The following FBH1 variants were observed in gnomAD, a reference collection of about 807,000 sequenced individuals.
FBH1 encodes the protein DNA 3'-5' helicase 1.
A neutral mutation model predicts 115.5 loss-of-function variants in FBH1; 43 were observed. That is an observed-to-expected ratio of 0.37 (90% CI 0.29 to 0.48). FBH1 has a LOEUF of 0.48. Ranked by LOEUF, FBH1 falls within the 20% of genes least tolerant of loss-of-function variation. FBH1 has a pLI of 0.99. For synonymous variants in FBH1, 524 were observed against 507.8 expected (o/e 1.03, Z -0.43); for missense variants, 1,001 against 1,337.3 (o/e 0.75, Z 3.92).
upstream of FBH1, chr10:5,890,063 CG>C (rs1842604110): frequency 3.3e-6 from 1 of 299,498 alleles, no homozygotes. Context: ...TAGCTGTGGC[CG>C]CGCCCCCACC....
intron 6 of FBH1, among the ~76,000 whole-genome samples, chr10:5,912,256 C>T (rs759580366): frequency 1.1e-4 from 17 of 151,540 alleles, no homozygotes; most frequent in Admixed American, 9.2e-4. Context: ...CCCAGCTACT[C>T]GGGAAGCTGA....
rs1197828755 is a variant in FBH1, at chr10:5,935,111, A to T, written c.2830-1345A>T. 2 of 152,190 alleles carry T rather than the reference A, an allele frequency of 1.3e-5. No individual in the cohort carries two copies. Among genetic ancestry groups the T allele is most frequent in the Non-Finnish European group, 2.9e-5 (2 of 68,024 alleles). The allele number at this position is 152,190 out of a possible 1,614,324, so 9.4% of individuals were successfully genotyped here. The stretch of plus-strand genomic sequence containing the variant: ...TCATGTTTTGTGAAACTTTTCTTCC[A>T]TGTGTGTTTCTTACATATGTGCGTA... On this transcript the variant is annotated intron_variant, in intron 19 of 20. Coordinates refer to ENST00000362091, the MANE Select transcript of FBH1 (RefSeq NM_178150.3). This position sits in a 1 kb window ranked among gnomAD's most constrained non-coding sequence, Gnocchi z 5.2.
chr10:5,910,837 A>C lies in FBH1; in HGVS notation c.1021-101A>C. ...TCAGTCCAGACAGTCTGTAGCCAGC[A>C]GCTGGACCCGTGGCTCGGCTTTCCT... On this transcript the variant is annotated intron_variant, in intron 5 of 20. Coordinates refer to ENST00000362091, the MANE Select transcript of FBH1 (RefSeq NM_178150.3). The surrounding 1 kb of genome is among the most constrained non-coding windows in gnomAD (Gnocchi z 4.8). 1 of 985,976 alleles carries C rather than the reference A, an allele frequency of 1.0e-6. No individual in the cohort carries two copies. Among genetic ancestry groups the C allele is most frequent in the Non-Finnish European group, 1.5e-6 (1 of 674,198 alleles). 61.1% of individuals were successfully genotyped at this position (985,976 alleles called of 1,614,324 possible).
chr10:5,926,230 C>G (rs897501620), intron 18 of FBH1, among the ~76,000 whole-genome samples: 5 of 152,184 alleles, frequency 3.3e-5, no homozygotes, highest in African/African-American at 1.2e-4. Flanking sequence ...AAGTGATTCT[C>G]CTGCCTCAGA....
Position 5,906,483 on chromosome 10 carries a change from A to G in FBH1, c.604A>G (p.Thr202Ala). 1.2e-6 allele frequency: 2 copies of G among 1,613,922 alleles called. No homozygotes were observed. Among genetic ancestry groups the G allele is most frequent in the Non-Finnish European group, 1.7e-6 (2 of 1,179,962 alleles). Residue 202 changes from threonine (T) to alanine (A), a missense_variant, in exon 3 of 21, where the codon ACC becomes GCC. Thr to Ala is a moderately conservative substitution (Grantham distance 58). Coordinates refer to ENST00000362091, the MANE Select transcript of FBH1 (RefSeq NM_178150.3). This position sits in a 1 kb window ranked among gnomAD's most constrained non-coding sequence, Gnocchi z 7.3. ...TGACTCATACTATGGGCTTCTTGGGACCTTGCCCTGCCAGGAAGCACTGAG... is the reference window on the plus strand; with the variant it reads ...TGACTCATACTATGGGCTTCTTGGGGCCTTGCCCTGCCAGGAAGCACTGAG... ...IPDSYYGLLG[T>A]LPCQEALSHI...
Position 5,918,262 on chromosome 10 carries a change from G to T in FBH1, c.1964-80G>T. 6 of 1,556,524 alleles carry T rather than the reference G, an allele frequency of 3.9e-6. No homozygotes were observed. Among genetic ancestry groups the T allele is most frequent in the Non-Finnish European group, 5.2e-6 (6 of 1,151,338 alleles). The stretch of plus-strand genomic sequence containing the variant: ...CCAGTGTGCCCTGGCTTAGCTTCGT[G>T]GAAGTGTTTTTGTCCTTTTCTTTTT... On this transcript the variant is annotated intron_variant, in intron 12 of 20. Coordinates refer to ENST00000362091, the MANE Select transcript of FBH1 (RefSeq NM_178150.3). This position sits in a 1 kb window ranked among gnomAD's most constrained non-coding sequence, Gnocchi z 4.0.
Position 5,915,755 on chromosome 10 carries a change from C to T in FBH1, c.1565+184C>T, listed in dbSNP as rs567711020. The stretch of plus-strand genomic sequence containing the variant: ...CATTTGTACTTTTATCCTGTAGCAA[C>T]ATATTGTTTACATATAATGCCGTCT... On this transcript the variant is annotated intron_variant, in intron 9 of 20. Coordinates refer to ENST00000362091, the MANE Select transcript of FBH1 (RefSeq NM_178150.3). This position sits in a 1 kb window ranked among gnomAD's most constrained non-coding sequence, Gnocchi z 5.2. 5.3e-4 allele frequency: 321 copies of T among 603,432 alleles called. 2 individuals carry two copies. The highest frequency in any genetic ancestry group is 5.0e-3 in the African/African-American group (268 of 54,016). The allele number at this position is 603,432 out of a possible 1,614,324, so 37.4% of individuals were successfully genotyped here. A position where few individuals can be genotyped will look rare whatever the true frequency, so the allele number is the denominator to read the frequency against.
rs1248453659 is a variant in FBH1 at position 5,915,397 on chromosome 10, C to T, written c.1397-6C>T. ...GGGTCACCTCCTTTCCTCCTGGCTT[C>T]CCCAGGCACTGGGAAGACCTCAACG... On this transcript the variant is annotated splice_region_variant and splice_polypyrimidine_tract_variant and intron_variant, in intron 8 of 20. Coordinates refer to ENST00000362091, the MANE Select transcript of FBH1 (RefSeq NM_178150.3). The surrounding 1 kb of genome is among the most constrained non-coding windows in gnomAD (Gnocchi z 5.2). The T allele has an allele frequency of 1.9e-6, 3 of 1,613,806 alleles. No homozygotes were observed. The Admixed American group carries it at 5.0e-5, about 27-fold the overall frequency.
In FBH1 at chr10:5,917,360, G is replaced by C; in HGVS notation, c.1789-60G>C. 1 of 1,420,190 alleles carries C rather than the reference G, an allele frequency of 7.0e-7. No individual in the cohort carries two copies. The highest frequency in any genetic ancestry group is 9.9e-7 in the Non-Finnish European group (1 of 1,011,550). 88.0% of individuals were successfully genotyped at this position (1,420,190 alleles called of 1,614,324 possible). A position where few individuals can be genotyped will look rare whatever the true frequency, so the allele number is the denominator to read the frequency against. The stretch of plus-strand genomic sequence containing the variant: ...CTGTATGGGAGTTGACAGTGTGACC[G>C]CAGGGTGCTGCCTTTGCCAGGGTCT... On this transcript the variant is annotated intron_variant, in intron 10 of 20. Transcript: ENST00000362091. The surrounding 1 kb of genome is among the most constrained non-coding windows in gnomAD (Gnocchi z 5.6).
Position 5,925,361 on chromosome 10 carries a change from T to C in FBH1, c.2597-6T>C, listed in dbSNP as rs773828821. ...CCATCTAACGTGTGCTGTGTTTTTATCCTAGAGTACATTCTGGGCACTGTG... is the reference window on the plus strand; with the variant it reads ...CCATCTAACGTGTGCTGTGTTTTTACCCTAGAGTACATTCTGGGCACTGTG... On this transcript the variant is annotated splice_region_variant and splice_polypyrimidine_tract_variant and intron_variant, in intron 17 of 20. Transcript: ENST00000362091. The surrounding 1 kb of genome is among the most constrained non-coding windows in gnomAD (Gnocchi z 4.6). 7.4e-6 allele frequency: 12 copies of C among 1,613,858 alleles called. No individual in the cohort carries two copies. The highest frequency in any genetic ancestry group is 1.7e-6 in the Non-Finnish European group (2 of 1,179,952).
Position 5,936,577 on chromosome 10 carries a change from C to T in FBH1, c.2951C>T (p.Pro984Leu). The T allele has an allele frequency of 6.2e-7, 1 of 1,614,064 alleles. No homozygotes were observed. The highest frequency in any genetic ancestry group is 8.5e-7 in the Non-Finnish European group (1 of 1,179,942). Residue 984 changes from proline (P) to leucine (L), a missense_variant, in exon 20 of 21, where the codon CCC becomes CTC. Transcript: ENST00000362091. The surrounding 1 kb of genome is among the most constrained non-coding windows in gnomAD (Gnocchi z 5.6). The part of the protein sequence containing the change: ...VDTVLTMKKL[P>L]ITYSNRKENK... ...ACCGTCCTTACCATGAAGAAGCTGC[C>T]CATCACCTATGTACGTCTGCTGTCT...
Position 5,909,271 on chromosome 10 carries a change from C to T in FBH1, c.997C>T (p.Pro333Ser), listed in dbSNP as rs1831411627. ...TGAGGCGTGTGTGCGGCAACACCTC[C>T]CCGACCTCTACGCTGCTGCCGGGGT... ...EAEACVRQHL[P>S]DLYAAAGGVN... Residue 333 changes from proline (P) to serine (S), a missense_variant, in exon 5 of 21, where the codon CCC becomes TCC. Around this residue, in one of 4 missense-constraint regions of FBH1, gnomAD observed 420 missense variants for 430.4 expected, o/e 0.98. Coordinates refer to ENST00000362091, the MANE Select transcript of FBH1 (RefSeq NM_178150.3). The surrounding 1 kb of genome is among the most constrained non-coding windows in gnomAD (Gnocchi z 4.4). The T allele has an allele frequency of 1.2e-6, 2 of 1,611,364 alleles. No individual in the cohort carries two copies. Among genetic ancestry groups the T allele is most frequent in the African/African-American group, 1.3e-5 (1 of 74,932 alleles).
intron 19 of FBH1, chr10:5,928,365 G>T (rs635532): frequency 0.43 from 64,813 of 151,846 alleles, 15,331 homozygotes; most frequent in East Asian, 0.68. Flanking sequence ...TGCCCAGGCT[G>T]GTCTCGAACT....
chr10:5,916,140 C>A, intron 9 of FBH1, 94 bp from the exon 10 acceptor site: 1 of 1,102,222 alleles, frequency 9.1e-7, no homozygotes, highest in Non-Finnish European at 1.3e-6. Context: ...GCACTTGAAG[C>A]TACCTCCTGG....
intron 19 of FBH1, among the ~76,000 whole-genome samples, chr10:5,934,017 G>A (rs114153476): frequency 0.019 from 2,883 of 152,234 alleles, 76 homozygotes; most frequent in African/African-American, 0.064. Context: ...GAAGTGTCGA[G>A]TCCAGTCTCT....
Position 5,925,477 on chromosome 10 carries a change from C to T in FBH1, c.2707C>T (p.Pro903Ser). ...TGCCCGGCATAACCTGCCCCAGCTT[C>T]CGCACTTCAGAGTTGGTAAGAGGCC... is the stretch of plus-strand genomic sequence containing the variant. The part of the protein sequence containing the change: ...PCARHNLPQL[P>S]HFRVESFSED... Residue 903 changes from proline to serine, a missense_variant, in exon 18 of 21, where the codon CCG becomes TCG. Physicochemically the swap from Pro to Ser is moderately conservative, Grantham distance 74 (BLOSUM62 -1). Coordinates refer to ENST00000362091, the MANE Select transcript of FBH1 (RefSeq NM_178150.3). The surrounding 1 kb of genome is among the most constrained non-coding windows in gnomAD (Gnocchi z 4.6). The T allele has an allele frequency of 6.2e-7, 1 of 1,614,090 alleles. No homozygotes were observed. Among genetic ancestry groups the T allele is most frequent in the Non-Finnish European group, 8.5e-7 (1 of 1,180,048 alleles).
chr10:5,937,387 A>T lies in FBH1; in HGVS notation c.*107A>T. 1 of 1,269,546 alleles carries T rather than the reference A, an allele frequency of 7.9e-7. No homozygotes were observed. Among genetic ancestry groups the T allele is most frequent in the Non-Finnish European group, 1.0e-6 (1 of 969,296 alleles). The allele number at this position is 1,269,546 out of a possible 1,614,324, so 78.6% of individuals were successfully genotyped here. On this transcript the variant is annotated 3_prime_UTR_variant, in exon 21 of 21. Transcript: ENST00000362091. ...TCCCTGAGACTCTGGGTTCACCCAC[A>T]GCACTTTCTGAGGAAGAGGACACCA...
chr10:5,892,165 G>A (rs1433412576), intron 1 of FBH1, among the ~76,000 whole-genome samples: 1 of 152,186 alleles, frequency 6.6e-6, no homozygotes, highest in Non-Finnish European at 1.5e-5. Context: ...CGGTTGGGCT[G>A]CTCATTTCTT....
At chr10:5,898,562 C>T (rs1263570694) in intron 1 of FBH1, among the ~76,000 whole-genome samples, 2 of 152,122 alleles carry the variant, frequency 1.3e-5, no homozygotes. Flanking sequence ...AGGTGCCCGC[C>T]ACCACACCTG....
Sources: gnomAD v4.1 joint callset for allele counts (sites outside exome capture counted in the v4.1 genomes callset) on GRCh38, gnomAD v4.1.1 for gene constraint, gnomAD v4.1.1 regional missense constraint, Gnocchi (gnomAD v3.1) non-coding constraint, MANE v1.5 for transcripts, NCBI Gene and HGNC (gene_info 2026-07-23, HGNC 2026-07-21) for gene names.